Variants in TRPM3 observed in about 807,000 individuals in gnomAD.
TRPM3 encodes transient receptor potential cation channel subfamily M member 3.
A neutral mutation model predicts 181.2 loss-of-function variants in TRPM3; 77 were observed. The observed-to-expected ratio is 0.42, with a 90% confidence interval of 0.35 to 0.51. The LOEUF (loss-of-function observed/expected upper bound fraction) is 0.51. TRPM3 is among the 20% of genes least tolerant of loss of function. The probability of loss-of-function intolerance (pLI) is 0.01; values close to 1 mark genes in which losing one functional copy is unlikely to be tolerated. For synonymous variants in TRPM3, 745 were observed against 796.4 expected (o/e 0.94, Z 1.09); for missense variants, 1,759 against 2,196.7 (o/e 0.80, Z 3.98).
At chr9:71,254,394 GAGATATA>G (rs1189105901) in intron 1 of TRPM3, among the ~76,000 whole-genome samples, 2 of 152,172 alleles carry the variant, frequency 1.3e-5, no homozygotes, top group African/African-American at 4.8e-5. Flanking sequence ...ATTTAGACAG[GAGATATA>G]AGTTCAGGAA....
intron 1 of TRPM3, among the ~76,000 whole-genome samples, chr9:71,247,353 CAA>C (rs34584730): frequency 7.0e-4 from 58 of 82,300 alleles, no homozygotes; most frequent in East Asian, 3.3e-3. Context: ...GACTCTGTCT[CAA>C]AAAAAAAAAA....
chr9:70,751,194 G>A (rs2076078345), intron 8 of TRPM3, among the ~76,000 whole-genome samples: 1 of 151,648 alleles, frequency 6.6e-6, no homozygotes, highest in Non-Finnish European at 1.5e-5. Context: ...TAACATATAG[G>A]GTGCAGAAAA....
intron 22 of TRPM3, among the ~76,000 whole-genome samples, chr9:70,573,866 A>C (rs1268506739): frequency 6.6e-6 from 1 of 152,032 alleles, no homozygotes; most frequent in African/African-American, 2.4e-5. Flanking sequence ...CACTTTAGGG[A>C]AAACAGCTCC....
chr9:70,953,597 T>G (rs1308611165), intron 1 of TRPM3, among the ~76,000 whole-genome samples: 1 of 152,124 alleles, frequency 6.6e-6, no homozygotes, highest in African/African-American at 2.4e-5. Flanking sequence ...ATGGTATTAT[T>G]TAATATGAGG....
intron 1 of TRPM3, among the ~76,000 whole-genome samples, chr9:71,265,412 A>T (rs941673556): frequency 2.0e-5 from 3 of 152,218 alleles, no homozygotes; most frequent in Non-Finnish European, 4.4e-5. Flanking sequence ...CAATACAGTA[A>T]TAAGACTGGT....
intron 1 of TRPM3, among the ~76,000 whole-genome samples, chr9:70,974,710 CAG>C (rs2097285181): frequency 6.6e-6 from 1 of 150,588 alleles, no homozygotes; most frequent in Non-Finnish European, 1.5e-5. Context: ...GTCTGGGTGA[CAG>C]AGTGAGACTC....
chr9:71,048,476 ATCCGTCT>A (rs2059710338), intron 1 of TRPM3, among the ~76,000 whole-genome samples: 1 of 152,216 alleles, frequency 6.6e-6, no homozygotes, highest in African/African-American at 2.4e-5. Context: ...GAATAGTCCA[ATCCGTCT>A]TCCCCAAGCA....
At chr9:70,861,166 T>C (rs2095510466) in intron 3 of TRPM3, among the ~76,000 whole-genome samples, 2 of 152,202 alleles carry the variant, frequency 1.3e-5, no homozygotes, top group African/African-American at 4.8e-5. Flanking sequence ...GACTAAGCTC[T>C]AGGTTTTATG....
chr9:70,576,752 A>T (rs1042060820), intron 22 of TRPM3, among the ~76,000 whole-genome samples: 27 of 151,984 alleles, frequency 1.8e-4, no homozygotes, highest in African/African-American at 5.1e-4. Context: ...TGACCTCATG[A>T]TCCACCCACC....
chr9:71,190,239 T>A (rs977382718), intron 1 of TRPM3, among the ~76,000 whole-genome samples: 7 of 151,870 alleles, frequency 4.6e-5, no homozygotes, highest in Non-Finnish European at 8.8e-5. Flanking sequence ...CCATTTGAGT[T>A]GAGATCCGCA....
intron 1 of TRPM3, among the ~76,000 whole-genome samples, chr9:71,398,453 T>C (rs2093253398): frequency 6.6e-6 from 1 of 152,166 alleles, no homozygotes; most frequent in Non-Finnish European, 1.5e-5. Flanking sequence ...ATTCCCAATG[T>C]TGGGGGAGGG....
At chr9:70,788,173 C>G (rs1227855652) in intron 6 of TRPM3, among the ~76,000 whole-genome samples, 1 of 118,272 alleles carries the variant, frequency 8.5e-6, no homozygotes, top group African/African-American at 3.2e-5. Flanking sequence ...TCCCCCCACC[C>G]CACCACAGTC....
intron 1 of TRPM3, among the ~76,000 whole-genome samples, chr9:70,892,077 A>G (rs2096212395): frequency 6.6e-6 from 1 of 152,192 alleles, no homozygotes; most frequent in South Asian, 2.1e-4. Flanking sequence ...GGGATTTACG[A>G]GGAAAAAAAG....
At chr9:70,863,160 G>T in intron 2 of TRPM3, 48 bp from the exon 3 acceptor site, 1 of 1,540,612 alleles carries the variant, frequency 6.5e-7, no homozygotes, top group Non-Finnish European at 8.9e-7. Context: ...GTCACTATTG[G>T]GATACACACT....
chr9:71,428,951 A>G (rs1172676177), intron 1 of TRPM3, among the ~76,000 whole-genome samples: 38 of 81,798 alleles, frequency 4.6e-4, no homozygotes, highest in African/African-American at 1.5e-3. Flanking sequence ...TTCAAAGGAA[A>G]AAAAAAAAAA....
intron 1 of TRPM3, among the ~76,000 whole-genome samples, chr9:71,345,773 C>T (rs1311055561): frequency 2.0e-5 from 3 of 152,010 alleles, no homozygotes; most frequent in Non-Finnish European, 4.4e-5. Flanking sequence ...AGTTATATGA[C>T]AAAAGAAGAT....
chr9:70,549,991 G>A (rs759955191), intron 24 of TRPM3, among the ~76,000 whole-genome samples: 2 of 152,194 alleles, frequency 1.3e-5, no homozygotes, highest in Non-Finnish European at 2.9e-5. Flanking sequence ...AGAGCCTAGA[G>A]TATCTTAAAA....
Position 70,876,278 on chromosome 9 carries a change from TAC to T in TRPM3, c.178-11769_178-11768del, listed in dbSNP as rs990952943. On this transcript the variant is annotated intron_variant, in intron 1 of 25. Transcript: ENST00000677713. ...ACTAATATATATACATATACATACA[TAC>T]ACACACACATATATAGACATATACA... 2.0e-4 allele frequency among the ~76,000 whole-genome samples: 30 copies of T among 149,322 alleles called. 1 individual carries two copies. Among genetic ancestry groups the T allele is most frequent in the Admixed American group, 1.4e-3 (21 of 14,956 alleles).
chr9:70,925,970 G>T (rs2096717137), intron 1 of TRPM3, among the ~76,000 whole-genome samples: 1 of 145,404 alleles, frequency 6.9e-6, no homozygotes, highest in Non-Finnish European at 1.5e-5. Context: ...CTCATGACTG[G>T]AGAAGAAAAA....
Sources: gnomAD v4.1 joint callset for allele counts (sites outside exome capture counted in the v4.1 genomes callset) on GRCh38, gnomAD v4.1.1 for gene constraint, MANE v1.5 for transcripts, NCBI Gene and HGNC (gene_info 2026-07-23, HGNC 2026-07-21) for gene names.